The following LRFN2 variants were observed in gnomAD, a reference collection of about 807,000 sequenced individuals.
LRFN2 encodes leucine-rich repeat and fibronectin type-III domain-containing protein 2.
In LRFN2, 18 loss-of-function variants were observed where a neutral mutation model predicts 37.3. That is an observed-to-expected ratio of 0.48 (90% CI 0.33 to 0.72). The LOEUF (loss-of-function observed/expected upper bound fraction) is 0.72, where lower values mean the gene tolerates loss of function less well. Among genes scored for constraint, LRFN2 ranks in the 30% least tolerant of loss-of-function variants. The probability of loss-of-function intolerance (pLI) is 0.02; values close to 1 mark genes in which losing one functional copy is unlikely to be tolerated. For missense variants in LRFN2, 1,006 were observed against 1,060.7 expected, an observed-to-expected ratio of 0.95 and a Z score of 0.72; for synonymous variants, 556 against 466.6, an observed-to-expected ratio of 1.19 and a Z score of -2.47.
intron 2 of LRFN2, among the ~76,000 whole-genome samples, chr6:40,413,881 C>G (rs1763031215): frequency 6.6e-6 from 1 of 152,192 alleles, no homozygotes; most frequent in Admixed American, 6.5e-5. Context: ...TCAGTCTCCC[C>G]CTCATGGTGG....
chr6:40,395,156 G>T (rs1762587754), intron 2 of LRFN2, among the ~76,000 whole-genome samples: 1 of 151,978 alleles, frequency 6.6e-6, no homozygotes, highest in African/African-American at 2.4e-5. Context: ...TTTCACCTGG[G>T]CATCATGACA....
chr6:40,514,170 A>G (rs539766399), intron 1 of LRFN2, among the ~76,000 whole-genome samples: 1 of 152,272 alleles, frequency 6.6e-6, no homozygotes, highest in East Asian at 1.9e-4. Context: ...GGAATGCTCT[A>G]CAGGGTGTTC....
At chr6:40,512,012 T>A (rs954990930) in intron 1 of LRFN2, among the ~76,000 whole-genome samples, 5 of 152,168 alleles carry the variant, frequency 3.3e-5, no homozygotes, top group African/African-American at 1.2e-4. Context: ...AGCCAGGCAG[T>A]GAATCACCGT....
chr6:40,497,069 C>T (rs976006735), intron 1 of LRFN2, among the ~76,000 whole-genome samples: 6 of 152,196 alleles, frequency 3.9e-5, no homozygotes, highest in Admixed American at 1.3e-4. Flanking sequence ...TCACCTGGCT[C>T]TGCCAAAACA....
intron 1 of LRFN2, among the ~76,000 whole-genome samples, chr6:40,484,233 G>A (rs1764899590): frequency 6.6e-6 from 1 of 152,194 alleles, no homozygotes; most frequent in Admixed American, 6.5e-5. Flanking sequence ...CCCTGACACG[G>A]ATGGAGTGTG....
intron 1 of LRFN2, among the ~76,000 whole-genome samples, chr6:40,472,091 G>A (rs146543941): frequency 1.9e-4 from 29 of 152,166 alleles, no homozygotes; most frequent in African/African-American, 5.1e-4. Context: ...GCACATGCAC[G>A]GAAATAAAGA....
intron 1 of LRFN2, among the ~76,000 whole-genome samples, chr6:40,524,307 A>T (rs1459967901): frequency 6.6e-6 from 1 of 152,154 alleles, no homozygotes; most frequent in African/African-American, 2.4e-5. Flanking sequence ...ACCAGGACAG[A>T]TCACCTGGAT....
chr6:40,439,915 AAG>A (rs10609529), intron 1 of LRFN2, among the ~76,000 whole-genome samples: 3,871 of 152,150 alleles, frequency 0.025, 156 homozygotes, highest in African/African-American at 0.086. Flanking sequence ...GTAGGGGGAA[AAG>A]AGAGAAAGAG....
intron 1 of LRFN2, among the ~76,000 whole-genome samples, chr6:40,463,647 C>T (rs975043107): frequency 6.7e-6 from 1 of 149,486 alleles, no homozygotes; most frequent in Non-Finnish European, 1.5e-5. Context: ...TCCCTGCATA[C>T]ATCATACTAT....
rs1485565179 is a variant in LRFN2, at chr6:40,392,719, C to T, written c.1594G>A (p.Gly532Ser). The change falls in exon 3 of 3, where the codon GGC (glycine) becomes AGC (serine). Residue 532 changes from glycine (G) to serine (S), a missense_variant. Gly to Ser is a moderately conservative substitution (Grantham distance 56). Around this residue, in one of 4 missense-constraint regions of LRFN2, gnomAD observed 120 missense variants for 178.4 expected, o/e 0.67. Coordinates refer to ENST00000338305, the MANE Select transcript of LRFN2 (RefSeq NM_020737.3). The surrounding 1 kb of genome is among the most constrained non-coding windows in gnomAD (Gnocchi z 4.7). ...CCCCCGATGACCAGGATCATGGTGC[C>T]GCCCAGAATCTGGCTGTGCATGGAC... ...CQSMHSQILGGTMILVIGGII... is the reference protein window; with the variant it reads ...CQSMHSQILGSTMILVIGGII... 9.9e-6 allele frequency: 16 copies of T among 1,614,046 alleles called. No homozygotes were observed. The highest frequency in any genetic ancestry group is 1.6e-4 in the Middle Eastern group (1 of 6,062).
At chr6:40,546,109 G>A (rs1304253689) in intron 1 of LRFN2, among the ~76,000 whole-genome samples, 1 of 152,086 alleles carries the variant, frequency 6.6e-6, no homozygotes, top group Non-Finnish European at 1.5e-5. Flanking sequence ...TGTTTTTGAG[G>A]ATCACAGCTT....
chr6:40,423,447 A>G (rs1763276632), intron 2 of LRFN2, among the ~76,000 whole-genome samples: 1 of 152,230 alleles, frequency 6.6e-6, no homozygotes, highest in Non-Finnish European at 1.5e-5. Context: ...GCTCTTTCAA[A>G]TACATGAGCT....
At chr6:40,473,462 G>A (rs1490226531) in intron 1 of LRFN2, among the ~76,000 whole-genome samples, 1 of 152,186 alleles carries the variant, frequency 6.6e-6, no homozygotes, top group African/African-American at 2.4e-5. Flanking sequence ...TGGGGGAAAT[G>A]GTCATGGCCA....
intron 1 of LRFN2, among the ~76,000 whole-genome samples, chr6:40,535,829 C>G (rs1055377935): frequency 4.6e-5 from 7 of 151,944 alleles, no homozygotes; most frequent in Non-Finnish European, 1.0e-4. Context: ...GTAGAGAACC[C>G]AGGTCAGCCA....
At chr6:40,461,939 G>A (rs1175097963) in intron 1 of LRFN2, among the ~76,000 whole-genome samples, 1 of 152,200 alleles carries the variant, frequency 6.6e-6, no homozygotes, top group African/African-American at 2.4e-5. Context: ...GGTCCCATTT[G>A]TAGTTATGCA....
At chr6:40,558,695 C>G (rs1007092434) in intron 1 of LRFN2, among the ~76,000 whole-genome samples, 12 of 152,298 alleles carry the variant, frequency 7.9e-5, no homozygotes, top group African/African-American at 2.2e-4. Flanking sequence ...TTGTTAGCAC[C>G]TGTTCCTAAT....
chr6:40,440,855 CTTCCCTCAT>C (rs1763817776), intron 1 of LRFN2, among the ~76,000 whole-genome samples: 1 of 152,170 alleles, frequency 6.6e-6, no homozygotes, highest in Non-Finnish European at 1.5e-5. Flanking sequence ...CCCCACTTCT[CTTCCCTCAT>C]TTCCTGCAAT....
At chr6:40,466,544 G>A (rs1056447010) in intron 1 of LRFN2, among the ~76,000 whole-genome samples, 2 of 151,946 alleles carry the variant, frequency 1.3e-5, no homozygotes, top group Non-Finnish European at 2.9e-5. Flanking sequence ...AGGCAGAAAG[G>A]AGAGGCCCCC....
At chr6:40,470,323 G>T (rs986047197) in intron 1 of LRFN2, among the ~76,000 whole-genome samples, 1 of 152,278 alleles carries the variant, frequency 6.6e-6, no homozygotes, top group Non-Finnish European at 1.5e-5. Context: ...AATTTAAGAC[G>T]CTGTGTGGCT....
Sources: allele counts gnomAD v4.1 joint callset (sites outside exome capture counted in the v4.1 genomes callset), GRCh38; gene constraint gnomAD v4.1.1; regional missense constraint gnomAD v4.1.1; non-coding constraint Gnocchi (gnomAD v3.1); transcripts MANE v1.5; gene names NCBI Gene and HGNC (gene_info 2026-07-23, HGNC 2026-07-21).